KLHDC4: variants seen among roughly 807,000 people sequenced by gnomAD.
KLHDC4 encodes the protein kelch domain-containing protein 4.
A neutral mutation model predicts 62.4 loss-of-function variants in KLHDC4; 90 were observed. The observed-to-expected ratio is 1.44, with a 90% CI of 1.22 to 1.72. The LOEUF (loss-of-function observed/expected upper bound fraction) is 1.72, where lower values mean the gene tolerates loss of function less well. KLHDC4 is among the 40% of genes most tolerant of loss of function. KLHDC4 has a pLI of 0.00. For synonymous variants in KLHDC4, 386 were observed against 284.4 expected (o/e 1.36, Z -3.59); for missense variants, 1,025 against 699.7 (o/e 1.47, Z -5.25).
At chr16:87,705,872 G>T (rs2034608853), downstream of KLHDC4, among the ~76,000 whole-genome samples, 1 of 152,240 alleles carries the variant, frequency 6.6e-6, no homozygotes, top group African/African-American at 2.4e-5. Context: ...CAGCTTAGCT[G>T]AGAGTGTGAG....
At position 87,765,924 on chromosome 16, in the gene KLHDC4, G is replaced by A. The variant is rs779493770; in HGVS notation, c.-34C>T. 12 of 1,538,722 alleles carry A rather than the reference G, an allele frequency of 7.8e-6. No homozygotes were observed. Among genetic ancestry groups the A allele is most frequent in the Non-Finnish European group, 9.7e-6 (11 of 1,138,072 alleles). On this transcript the variant is annotated 5_prime_UTR_variant, in exon 1 of 12. Coordinates refer to ENST00000270583, the MANE Select transcript of KLHDC4 (RefSeq NM_017566.4). ...GTCCCAAGCCGCGACGGGACACCAG[G>A]AAAGAAAACGGCCCGCGCTCTCCGC...
intron 7 of KLHDC4, among the ~76,000 whole-genome samples, chr16:87,717,748 G>GACGTCTCTATTTGTCATCA (rs1375730400): frequency 0.014 from 2,141 of 152,254 alleles, 49 homozygotes; most frequent in African/African-American, 0.048. Context: ...GGGGGGACAA[G>GACGTCTCTATTTGTCATCA]GAAGGAATTC....
At chr16:87,748,420 G>C (rs1482369712) in intron 5 of KLHDC4, among the ~76,000 whole-genome samples, 1 of 152,214 alleles carries the variant, frequency 6.6e-6, no homozygotes, top group Non-Finnish European at 1.5e-5. Flanking sequence ...GCAGCGAGAG[G>C]CTGGTGGCCA....
intron 7 of KLHDC4, among the ~76,000 whole-genome samples, chr16:87,722,363 A>T (rs2038551207): frequency 6.6e-6 from 1 of 152,152 alleles, no homozygotes; most frequent in African/African-American, 2.4e-5. Context: ...CAGGAGGAGG[A>T]AGGAGGGCAG....
chr16:87,717,123 C>A (rs2037162766), intron 7 of KLHDC4, among the ~76,000 whole-genome samples: 1 of 151,470 alleles, frequency 6.6e-6, no homozygotes, highest in Admixed American at 6.6e-5. Flanking sequence ...CTCAGCTACT[C>A]CCAACGCTGA....
At chr16:87,706,458 C>T (rs958629686), downstream of KLHDC4, among the ~76,000 whole-genome samples, 3 of 151,862 alleles carry the variant, frequency 2.0e-5, no homozygotes, top group Non-Finnish European at 2.9e-5. Flanking sequence ...CGGCACAACG[C>T]AAACACAAGC....
At chr16:87,723,914 G>A (rs974879602) in intron 7 of KLHDC4, among the ~76,000 whole-genome samples, 4 of 152,152 alleles carry the variant, frequency 2.6e-5, no homozygotes, top group Admixed American at 2.6e-4. Context: ...TTGGCTCACT[G>A]CAACCTCCGC....
chr16:87,748,068 A>G (rs908331085), intron 5 of KLHDC4, among the ~76,000 whole-genome samples: 24 of 152,192 alleles, frequency 1.6e-4, no homozygotes, highest in African/African-American at 5.8e-4. Flanking sequence ...TAAATAATTT[A>G]TATGCAAACA....
chr16:87,757,720 C>T (rs1474960057), intron 2 of KLHDC4, among the ~76,000 whole-genome samples: 1 of 151,712 alleles, frequency 6.6e-6, no homozygotes, highest in Non-Finnish European at 1.5e-5. Flanking sequence ...TGAAACCCCC[C>T]GTCTCTACTA....
chr16:87,750,843 T>C (rs1457178858), intron 4 of KLHDC4: 1 of 152,254 alleles, frequency 6.6e-6, no homozygotes, highest in African/African-American at 2.4e-5. Context: ...CAGTTGTTCT[T>C]TGCATCTGTC....
At chr16:87,718,494 T>C (rs59813548) in intron 7 of KLHDC4, among the ~76,000 whole-genome samples, 33,840 of 150,964 alleles carry the variant, frequency 0.22, 4,884 homozygotes, top group African/African-American at 0.41. Flanking sequence ...CTCAGCCTGC[T>C]GAGTGCCTGG....
chr16:87,754,042 A>G lies in KLHDC4; in HGVS notation c.369+1152T>C, dbSNP rs1158386345. 4.0e-5 allele frequency among the ~76,000 whole-genome samples: 6 copies of G among 150,726 alleles called. No homozygotes were observed. The East Asian group carries it at 9.8e-4, about 24-fold the overall frequency. ...GTAATCCCAGCTACTGGGGAGGCTG[A>G]GGCAGGAGAATCCCTTGAACCCAGG... On this transcript the variant is annotated intron_variant, in intron 4 of 11. Transcript: ENST00000270583.
Position 87,709,301 on chromosome 16 carries a change from T to C in KLHDC4, c.1411A>G (p.Met471Val), listed in dbSNP as rs1041024091. The change falls in exon 10 of 12, where the codon ATG (methionine) becomes GTG (valine). Residue 471 changes from methionine to valine, a missense_variant. Met to Val is a conservative substitution (Grantham distance 21). Transcript: ENST00000270583. ...SDLHCLDLHR[M>V]EAWKALVEMD... ...TCCACCAAGGCCTTCCACGCCTCCA[T>C]CCTGTGCAGGTCCAGGCAGTGCAGG... is the stretch of plus-strand genomic sequence containing the variant. 4 of 1,613,100 alleles carry C rather than the reference T, an allele frequency of 2.5e-6. No homozygotes were observed. The highest frequency in any genetic ancestry group is 1.1e-5 in the South Asian group (1 of 91,078).
chr16:87,712,247 G>A (rs1255919168), intron 8 of KLHDC4, among the ~76,000 whole-genome samples: 2 of 152,124 alleles, frequency 1.3e-5, no homozygotes, highest in Non-Finnish European at 2.9e-5. Context: ...CTAGGAGACA[G>A]AATGGAGATT....
At chr16:87,757,169 C>G in intron 2 of KLHDC4, among the ~76,000 whole-genome samples, 1 of 151,552 alleles carries the variant, frequency 6.6e-6, no homozygotes, top group Non-Finnish European at 1.5e-5. Context: ...CAAAACCATT[C>G]TAAAAAGTCC....
At chr16:87,744,837 A>G (rs1035828682) in intron 5 of KLHDC4, among the ~76,000 whole-genome samples, 14 of 146,896 alleles carry the variant, frequency 9.5e-5, no homozygotes, top group Admixed American at 9.1e-4. Context: ...GGTTCTCCAG[A>G]TCACTGCGTC....
chr16:87,765,603 G>C (rs1014788512), intron 1 of KLHDC4, among the ~76,000 whole-genome samples, 189 bp downstream of exon 1: 1 of 152,150 alleles, frequency 6.6e-6, no homozygotes, highest in Non-Finnish European at 1.5e-5. Context: ...CACACGTGGA[G>C]ACTCAGGAGG....
Position 87,712,018 on chromosome 16 carries a change from G to A in KLHDC4, c.836-575C>T, listed in dbSNP as rs375785398. Among the ~76,000 whole-genome samples, 287 of 149,602 alleles carry A rather than the reference G, an allele frequency of 1.9e-3. 2 individuals carry two copies. The highest frequency in any genetic ancestry group is 6.6e-3 in the African/African-American group (269 of 40,692). On this transcript the variant is annotated intron_variant, in intron 8 of 11. Coordinates refer to ENST00000270583, the MANE Select transcript of KLHDC4 (RefSeq NM_017566.4). ...GTGCCAGCCGCCCTTGGGCCTGCAC[G>A]GGGACCCTCCGCCCTGCACAGGGAC...
chr16:87,757,126 C>G (rs1298417829), intron 2 of KLHDC4, among the ~76,000 whole-genome samples: 1 of 151,788 alleles, frequency 6.6e-6, no homozygotes, highest in Non-Finnish European at 1.5e-5. Context: ...TCAGAACTGT[C>G]CTCTTTTAAG....
Sources: allele counts gnomAD v4.1 joint callset (sites outside exome capture counted in the v4.1 genomes callset), GRCh38; gene constraint gnomAD v4.1.1; transcripts MANE v1.5; gene names NCBI Gene and HGNC (gene_info 2026-07-23, HGNC 2026-07-21).